UNC79: variants seen among roughly 807,000 people sequenced by gnomAD.
The protein encoded by UNC79 is unc-79 subunit of NALCN channel complex.
A neutral mutation model predicts 283.1 loss-of-function variants in UNC79; 37 were observed. The observed-to-expected ratio is 0.13, with a 90% confidence interval of 0.10 to 0.17. The LOEUF is 0.17. Among genes scored for constraint, UNC79 ranks in the 10% least tolerant of loss-of-function variants. UNC79 has a pLI of 1.00. For missense variants in UNC79, 2,272 were observed against 3,211.1 expected, an observed-to-expected ratio of 0.71 and a Z score of 7.07; for synonymous variants, 1,107 against 1,200.2, an observed-to-expected ratio of 0.92 and a Z score of 1.61.
At chr14:93,586,571 T>A in intron 20 of UNC79, 25 bp from the exon 21 acceptor site, 1 of 1,598,074 alleles carries the variant, frequency 6.3e-7, no homozygotes, top group Non-Finnish European at 8.5e-7. Context: ...GTTAGCCTAA[T>A]TTTTGTGTAA....
chr14:93,707,209 GA>G (rs2075930564), downstream of UNC79: 1 of 288,778 alleles, frequency 3.5e-6, no homozygotes, highest in Non-Finnish European at 6.4e-6. Flanking sequence ...GGTACTCACA[GA>G]AAAGTTGTAT....
Position 93,500,602 on chromosome 14 carries a change from C to T in UNC79, c.898+3316C>T, listed in dbSNP as rs549337979. On this transcript the variant is annotated intron_variant, in intron 7 of 48. Coordinates refer to ENST00000555664, the Ensembl canonical transcript of UNC79. The stretch of plus-strand genomic sequence containing the variant: ...TGAAGACAATCTATGGACCAGGCAC[C>T]ATATTAGGTTTTACAGATGTTTTCT... Among the ~76,000 whole-genome samples, 161 of 152,282 alleles carry T rather than the reference C, an allele frequency of 1.1e-3. 2 individuals are homozygous for T. In the South Asian group the frequency reaches 0.032, roughly 30 times the overall value.
At chr14:93,618,067 T>C in intron 28 of UNC79, 125 bp from the exon 30 acceptor site, 1 of 1,021,356 alleles carries the variant, frequency 9.8e-7, no homozygotes, top group Non-Finnish European at 1.4e-6. Context: ...TTTCTACTTC[T>C]CTCTCTCTCT....
intron 1 of UNC79, among the ~76,000 whole-genome samples, chr14:93,355,580 G>A (rs556138405): frequency 6.6e-6 from 1 of 152,172 alleles, no homozygotes; most frequent in Non-Finnish European, 1.5e-5. Flanking sequence ...TGATCTGCCC[G>A]CCTTGGCCTC....
Position 93,688,667 on chromosome 14 carries a change from C to T in UNC79, c.6912C>T (p.Ser2304=), listed in dbSNP as rs374369982. The T allele has an allele frequency of 2.4e-5, 39 of 1,612,364 alleles. No homozygotes were observed. Among genetic ancestry groups the T allele is most frequent in the Middle Eastern group, 1.6e-4 (1 of 6,078 alleles). The change falls in exon 44 of 49, where the codon AGC becomes AGT. Residue 2304 remains serine, a splice_region_variant and synonymous_variant. Transcript: ENST00000555664. This position sits in a 1 kb window ranked among gnomAD's most constrained non-coding sequence, Gnocchi z 4.0. ...CAAAATACCATTCGGTTTTGTAGAG[C>T]CACATGAAGACATGTTCCCAGCCTC...
intron 23 of UNC79, among the ~76,000 whole-genome samples, chr14:93,594,755 A>G (rs1436440517): frequency 2.7e-5 from 4 of 150,782 alleles, no homozygotes; most frequent in Admixed American, 1.3e-4. Flanking sequence ...CTGCTGGCCC[A>G]CTCTCACTCC....
At chr14:93,695,910 A>G (rs2075082003) in intron 47 of UNC79, among the ~76,000 whole-genome samples, 1 of 133,634 alleles carries the variant, frequency 7.5e-6, no homozygotes. Flanking sequence ...AAAAAAAAAA[A>G]GCAAACAAAA....
intron 26 of UNC79, among the ~76,000 whole-genome samples, chr14:93,607,746 T>G (rs8022223): frequency 0.014 from 2,120 of 152,324 alleles, 24 homozygotes; most frequent in Middle Eastern, 0.027. Flanking sequence ...TCTCTTGGCC[T>G]GCATTTGTAT....
chr14:93,353,245 C>T (rs2054014930), intron 1 of UNC79, among the ~76,000 whole-genome samples: 1 of 152,040 alleles, frequency 6.6e-6, no homozygotes, highest in African/African-American at 2.4e-5. Flanking sequence ...ACTGTGTCGC[C>T]CAGGCTGGAG....
upstream of UNC79, among the ~76,000 whole-genome samples, chr14:93,429,693 T>G (rs1468775013): frequency 6.6e-6 from 1 of 152,120 alleles, no homozygotes; most frequent in Non-Finnish European, 1.5e-5. Context: ...TTGTCAACAC[T>G]TACCGTTTTG....
At chr14:93,371,096 CAG>C (rs58921058) in intron 1 of UNC79, among the ~76,000 whole-genome samples, 7,413 of 152,080 alleles carry the variant, frequency 0.049, 538 homozygotes, top group African/African-American at 0.16. Flanking sequence ...AACAACAAAA[CAG>C]GGGTGGGTGC....
chr14:93,563,463 G>T (rs1185575782), intron 14 of UNC79, among the ~76,000 whole-genome samples: 1 of 152,200 alleles, frequency 6.6e-6, no homozygotes, highest in Non-Finnish European at 1.5e-5. Context: ...ACAGGATATG[G>T]AAGGCATATT....
rs141699143 is a variant in UNC79, at chr14:93,540,461, A to C, written c.1353-199A>C. Among the ~76,000 whole-genome samples the C allele has an allele frequency of 5.1e-4, 78 of 152,298 alleles. No homozygotes were observed. The East Asian group carries it at 0.015, about 29-fold the overall frequency. On this transcript the variant is annotated intron_variant, in intron 12 of 48. Transcript: ENST00000555664. ...CATCTTTGAAATGGGAATGGAGTAT[A>C]AAATAGTAAGAAAATAGAATGAGGC...
chr14:93,410,657 T>C (rs528756005), intron 1 of UNC79, among the ~76,000 whole-genome samples: 16 of 152,268 alleles, frequency 1.1e-4, no homozygotes, highest in African/African-American at 3.9e-4. Flanking sequence ...GTCAAAGTAA[T>C]GAGGCCCCCT....
chr14:93,641,040 C>A, intron 32 of UNC79, 105 bp from the exon 36 acceptor site: 2 of 859,870 alleles, frequency 2.3e-6, no homozygotes, highest in Non-Finnish European at 1.8e-6. Context: ...AAGTTGTATT[C>A]CTGGGAATGT....
At chr14:93,572,752 T>A in exon 16 of UNC79, 2 of 1,614,170 alleles carry the variant, frequency 1.2e-6, no homozygotes, top group Middle Eastern at 3.3e-4. Context: ...ATGTTTGGTT[T>A]TATTAGTTGT....
intron 47 of UNC79, among the ~76,000 whole-genome samples, chr14:93,702,144 G>A (rs1285701189): frequency 6.6e-6 from 1 of 152,228 alleles, no homozygotes. Flanking sequence ...GGGGGAGACA[G>A]TTAGACTAGA....
chr14:93,659,020 T>C (rs2071254702), intron 38 of UNC79, among the ~76,000 whole-genome samples, 173 bp from the exon 42 acceptor site: 1 of 152,236 alleles, frequency 6.6e-6, no homozygotes, highest in Non-Finnish European at 1.5e-5. Flanking sequence ...TAAAATTGTT[T>C]TAACCTGAGA....
chr14:93,572,436 C>G (rs755511672), intron 15 of UNC79, among the ~76,000 whole-genome samples: 11 of 152,214 alleles, frequency 7.2e-5, no homozygotes, highest in African/African-American at 1.2e-4. Context: ...CTTAGAAATG[C>G]AATTCCTTCT....
Sources: gnomAD v4.1 joint callset for allele counts (sites outside exome capture counted in the v4.1 genomes callset) on GRCh38, gnomAD v4.1.1 for gene constraint, Gnocchi (gnomAD v3.1) non-coding constraint, MANE v1.5 for transcripts, NCBI Gene and HGNC (gene_info 2026-07-23, HGNC 2026-07-21) for gene names.